Variants in ZBTB46 observed in about 807,000 individuals in gnomAD.
ZBTB46 encodes zinc finger and BTB domain-containing protein 46.
In ZBTB46, 8 loss-of-function variants were observed where a neutral mutation model predicts 44.1. That is an observed-to-expected ratio of 0.18 (90% CI 0.11 to 0.33). ZBTB46 has a LOEUF of 0.33. Ranked by LOEUF, ZBTB46 falls within the 10% of genes least tolerant of loss-of-function variation. ZBTB46 has a pLI of 1.00. For missense variants in ZBTB46, 651 were observed against 847.7 expected (o/e 0.77, Z 2.88); for synonymous variants, 409 against 382.3 (o/e 1.07, Z -0.81).
At chr20:63,795,438 G>GT (rs2092595601) in intron 1 of ZBTB46, among the ~76,000 whole-genome samples, 1 of 152,268 alleles carries the variant, frequency 6.6e-6, no homozygotes, top group East Asian at 1.9e-4. Context: ...TGTGCAGGCA[G>GT]TGAGGGGGGC....
rs900446793 is a variant in ZBTB46, at chr20:63,774,546, T to C, written c.1222+1132A>G. 2.6e-5 allele frequency among the ~76,000 whole-genome samples: 4 copies of C among 152,134 alleles called. No individual in the cohort carries two copies. In the East Asian group the frequency reaches 7.8e-4, roughly 30 times the overall value. ...ATGCCGGACTCGCTCCCTCCTCCCCTGGAGAGAAACGGGAGGCGCCTCACT... is the reference window on the plus strand; with the variant it reads ...ATGCCGGACTCGCTCCCTCCTCCCCCGGAGAGAAACGGGAGGCGCCTCACT... On this transcript the variant is annotated intron_variant, in intron 3 of 4. Transcript: ENST00000245663.
intron 1 of ZBTB46, among the ~76,000 whole-genome samples, chr20:63,826,795 G>A (rs1033168019): frequency 6.6e-6 from 1 of 152,232 alleles, no homozygotes; most frequent in African/African-American, 2.4e-5. Context: ...CATTATGTGT[G>A]CTGAACCAAG....
At chr20:63,766,139 A>ACAAGT (rs1421604083) in intron 3 of ZBTB46, among the ~76,000 whole-genome samples, 1 of 151,102 alleles carries the variant, frequency 6.6e-6, no homozygotes, top group Non-Finnish European at 1.5e-5. Flanking sequence ...GTCAGATGCC[A>ACAAGT]CAAGTTTCTT....
chr20:63,807,921 G>A (rs4809230), intron 1 of ZBTB46, among the ~76,000 whole-genome samples: 2,915 of 133,838 alleles, frequency 0.022, 66 homozygotes, highest in East Asian at 0.1. Flanking sequence ...CCTTCCCACA[G>A]GGGACACTCA....
Position 63,790,086 on chromosome 20 carries a change from C to G in ZBTB46, c.672G>C (p.Gly224=), listed in dbSNP as rs1427199621. Residue 224 remains glycine (G), a synonymous_variant, in exon 2 of 5, where the codon GGG becomes GGC. Transcript: ENST00000245663. ...CCTGCTCTTCCTTGATGCGCAGAGG[C>G]CCGTAGCCCACGTCTCCAGGCCATA... ...QPLWPGDVGY[G]PLRIKEEQVS... The G allele has an allele frequency of 6.2e-7, 1 of 1,614,064 alleles. No individual in the cohort carries two copies. The highest frequency in any genetic ancestry group is 8.5e-7 in the Non-Finnish European group (1 of 1,180,038).
At chr20:63,760,470 TG>T (rs2145798537) in intron 3 of ZBTB46, among the ~76,000 whole-genome samples, 1 of 151,772 alleles carries the variant, frequency 6.6e-6, no homozygotes, top group African/African-American at 2.4e-5. Flanking sequence ...TCAGTGTTTT[TG>T]TTTTTTTTTT....
At chr20:63,749,393 G>C (rs2092136708) in intron 4 of ZBTB46, among the ~76,000 whole-genome samples, 1 of 152,198 alleles carries the variant, frequency 6.6e-6, no homozygotes, top group Non-Finnish European at 1.5e-5. Flanking sequence ...CTGGAGTGTA[G>C]TGTTGCCATC....
intron 1 of ZBTB46, among the ~76,000 whole-genome samples, chr20:63,813,691 T>C (rs970737276): frequency 6.6e-6 from 1 of 151,908 alleles, no homozygotes; most frequent in African/African-American, 2.4e-5. Context: ...AGCAAATAAG[T>C]AGCATGAAAC....
chr20:63,792,641 G>A (rs1037419880), intron 1 of ZBTB46, among the ~76,000 whole-genome samples: 2 of 151,762 alleles, frequency 1.3e-5, no homozygotes, highest in African/African-American at 2.4e-5. Context: ...TCAGCCTCCC[G>A]AGTAGCTGGG....
Position 63,803,461 on chromosome 20 carries a change from A to T in ZBTB46, c.-33-12671T>A. 1.0e-6 allele frequency: 1 copy of T among 985,342 alleles called. No homozygotes were observed. Among genetic ancestry groups the T allele is most frequent in the Non-Finnish European group, 1.2e-6 (1 of 829,920 alleles). 61.0% of individuals were successfully genotyped at this position (985,342 alleles called of 1,614,324 possible). A position where few individuals can be genotyped will look rare whatever the true frequency, so the allele number is the denominator to read the frequency against. ...GGTACTATCCACATCATCTCCAGTG[A>T]GCAAGTGGGTGCTGGCGATGAGGAC... On this transcript the variant is annotated intron_variant, in intron 1 of 4. Coordinates refer to ENST00000245663, the MANE Select transcript of ZBTB46 (RefSeq NM_001369741.1). This position sits in a 1 kb window ranked among gnomAD's most constrained non-coding sequence, Gnocchi z 4.0.
At chr20:63,797,786 C>T (rs1333731611) in intron 1 of ZBTB46, among the ~76,000 whole-genome samples, 2 of 152,218 alleles carry the variant, frequency 1.3e-5, no homozygotes, top group Admixed American at 1.3e-4. Flanking sequence ...TGTCTGTTGG[C>T]TGCATAAATG....
At chr20:63,808,976 CAAAAAAAAAAAAAAAAA>C (rs1157399042) in intron 1 of ZBTB46, among the ~76,000 whole-genome samples, 1 of 75,232 alleles carries the variant, frequency 1.3e-5, no homozygotes, top group Admixed American at 1.6e-4. Flanking sequence ...GACTCCGCTT[CAAAAAAAAAAAAAAAAA>C]AAAAAAGAAA....
intron 1 of ZBTB46, chr20:63,815,182 CCAGGTGCAGTGGGCG>C (rs1454773620): frequency 3.1e-4 from 66 of 216,348 alleles, no homozygotes; most frequent in Non-Finnish European, 1.9e-4. Flanking sequence ...TGCAGTGGGC[CCAGGTGCAGTGGGCG>C]CAGGTGCAGT....
intron 3 of ZBTB46, among the ~76,000 whole-genome samples, chr20:63,765,239 G>A (rs1030107774): frequency 9.2e-5 from 14 of 152,008 alleles, no homozygotes; most frequent in Non-Finnish European, 1.9e-4. Context: ...CGGCTCCTCT[G>A]GCTGCCCCGA....
chr20:63,774,501 C>T (rs934425734), intron 3 of ZBTB46, among the ~76,000 whole-genome samples: 7 of 152,116 alleles, frequency 4.6e-5, no homozygotes, highest in Admixed American at 1.3e-4. Flanking sequence ...GGACCCCAGC[C>T]GCGGAGGTGG....
At chr20:63,807,973 G>A (rs1219991249) in intron 1 of ZBTB46, 1 of 150,014 alleles carries the variant, frequency 6.7e-6, no homozygotes, top group Admixed American at 6.6e-5. Context: ...ACTCACGGAA[G>A]CTGAACGGAC....
chr20:63,803,530 T>C lies in ZBTB46; in HGVS notation c.-33-12740A>G, dbSNP rs2092662688. The C allele has an allele frequency of 1.0e-6, 1 of 984,674 alleles. No homozygotes were observed. Among genetic ancestry groups the C allele is most frequent in the East Asian group, 1.1e-4 (1 of 8,798 alleles). The allele number at this position is 984,674 out of a possible 1,614,324, so 61.0% of individuals were successfully genotyped here. On this transcript the variant is annotated intron_variant, in intron 1 of 4. Coordinates refer to ENST00000245663, the MANE Select transcript of ZBTB46 (RefSeq NM_001369741.1). The surrounding 1 kb of genome is among the most constrained non-coding windows in gnomAD (Gnocchi z 4.0). ...CAGCCCCCATGTGGCCATCTGAAGA[T>C]GCAAAGCCATGTCTGCCGGCCCCGG...
intron 2 of ZBTB46, among the ~76,000 whole-genome samples, chr20:63,785,224 C>CAAAAAA (rs368838708): frequency 1.0e-5 from 1 of 96,932 alleles, no homozygotes; most frequent in African/African-American, 4.2e-5. Flanking sequence ...GAGCGAGACT[C>CAAAAAA]AAAAAAAAAA....
At chr20:63,768,828 C>T (rs576206605) in intron 3 of ZBTB46, among the ~76,000 whole-genome samples, 2 of 152,102 alleles carry the variant, frequency 1.3e-5, no homozygotes, top group East Asian at 1.9e-4. Flanking sequence ...GCCTCCGAGT[C>T]GGGGGTTGGC....
Sources: allele counts gnomAD v4.1 joint callset (sites outside exome capture counted in the v4.1 genomes callset), GRCh38; gene constraint gnomAD v4.1.1; non-coding constraint Gnocchi (gnomAD v3.1); transcripts MANE v1.5; gene names NCBI Gene and HGNC (gene_info 2026-07-23, HGNC 2026-07-21).